The following LRRC8C variants were observed in gnomAD, a reference collection of about 807,000 sequenced individuals.
LRRC8C encodes the protein volume-regulated anion channel subunit LRRC8C.
Under a neutral mutation model 55.3 loss-of-function variants are expected in LRRC8C, and 20 were observed. That is an observed-to-expected ratio of 0.36 (90% CI 0.25 to 0.53). LRRC8C has a LOEUF of 0.53. Among genes scored for constraint, LRRC8C ranks in the 20% least tolerant of loss-of-function variants. LRRC8C has a pLI of 0.92. For synonymous variants in LRRC8C, 376 were observed against 360.7 expected (o/e 1.04, Z -0.48); for missense variants, 659 against 951.4 (o/e 0.69, Z 4.04).
chr1:89,623,027 TAAATG>T, the LRRC8C span, among the ~76,000 whole-genome samples: 4 of 152,176 alleles, frequency 2.6e-5, no homozygotes, highest in Admixed American at 6.5e-5. Context: ...TTCAGTCTCC[TAAATG>T]AGACCATAAG....
chr1:89,669,560 A>G (rs980413494), intron 1 of LRRC8C, among the ~76,000 whole-genome samples: 2 of 152,134 alleles, frequency 1.3e-5, no homozygotes, highest in Non-Finnish European at 2.9e-5. Flanking sequence ...GCCCAGTACC[A>G]TGATTAGTGT....
At chr1:89,677,668 C>T (rs1230468298) in intron 1 of LRRC8C, among the ~76,000 whole-genome samples, 4 of 152,154 alleles carry the variant, frequency 2.6e-5, no homozygotes, top group Non-Finnish European at 5.9e-5. Flanking sequence ...GATTTTCACC[C>T]ATAAAGTAAG....
chr1:89,656,722 G>C (rs980099514), intron 1 of LRRC8C, among the ~76,000 whole-genome samples: 1 of 152,094 alleles, frequency 6.6e-6, no homozygotes, highest in Non-Finnish European at 1.5e-5. Flanking sequence ...ACAATTTGGG[G>C]GTACTGTTCG....
At chr1:89,692,936 A>C (rs1658063872) in intron 2 of LRRC8C, among the ~76,000 whole-genome samples, 1 of 152,254 alleles carries the variant, frequency 6.6e-6, no homozygotes, top group South Asian at 2.1e-4. Context: ...CAAATCCAAA[A>C]CAGCCCATGG....
the LRRC8C span, among the ~76,000 whole-genome samples, chr1:89,618,363 T>C: frequency 6.6e-6 from 1 of 152,220 alleles, no homozygotes; most frequent in Non-Finnish European, 1.5e-5. Flanking sequence ...TTACAAACCA[T>C]GCAGGATTCG....
intron 1 of LRRC8C, among the ~76,000 whole-genome samples, chr1:89,659,875 C>T (rs1657064834): frequency 6.6e-6 from 1 of 152,166 alleles, no homozygotes; most frequent in East Asian, 1.9e-4. Context: ...GCAACCTGGT[C>T]TCTGCCCTTA....
At chr1:89,616,350 A>T in the LRRC8C span, among the ~76,000 whole-genome samples, 1 of 152,290 alleles carries the variant, frequency 6.6e-6, no homozygotes, top group East Asian at 1.9e-4. Flanking sequence ...ACAACTAGAC[A>T]GAGTTAATTC....
chr1:89,620,673 T>A, the LRRC8C span, among the ~76,000 whole-genome samples: 1 of 152,062 alleles, frequency 6.6e-6, no homozygotes, highest in African/African-American at 2.4e-5. Flanking sequence ...CAGGTTTAAA[T>A]CCAGGTAAAT....
At chr1:89,698,522 T>A (rs1658232502) in intron 2 of LRRC8C, among the ~76,000 whole-genome samples, 1 of 152,216 alleles carries the variant, frequency 6.6e-6, no homozygotes, top group African/African-American at 2.4e-5. Flanking sequence ...ACATTTAATG[T>A]TCCTCAGGCA....
chr1:89,640,398 C>T (rs950661538), intron 1 of LRRC8C, among the ~76,000 whole-genome samples: 1 of 152,130 alleles, frequency 6.6e-6, no homozygotes, highest in Non-Finnish European at 1.5e-5. Flanking sequence ...TCAAAATCAA[C>T]AAAAATTACT....
the LRRC8C span, among the ~76,000 whole-genome samples, chr1:89,617,337 A>G: frequency 2.0e-5 from 3 of 152,202 alleles, no homozygotes; most frequent in Non-Finnish European, 4.4e-5. Flanking sequence ...ACGGTTCACA[A>G]TTCAGTCCAA....
chr1:89,698,084 A>G (rs1658222903), intron 2 of LRRC8C, among the ~76,000 whole-genome samples: 1 of 152,174 alleles, frequency 6.6e-6, no homozygotes, highest in Admixed American at 6.5e-5. Flanking sequence ...TTACCTAGGA[A>G]TAAACAGACC....
At chr1:89,617,569 A>G in the LRRC8C span, among the ~76,000 whole-genome samples, 4,387 of 152,242 alleles carry the variant, frequency 0.029, 211 homozygotes, top group African/African-American at 0.099. Flanking sequence ...ATCTACTTCC[A>G]TGGATTCCAG....
At chr1:89,678,364 A>G (rs887278768) in intron 1 of LRRC8C, among the ~76,000 whole-genome samples, 11 of 152,246 alleles carry the variant, frequency 7.2e-5, no homozygotes, top group Admixed American at 5.2e-4. Context: ...AAGTTCTGCC[A>G]TCATGAAACT....
chr1:89,636,216 T>C (rs753255334), intron 1 of LRRC8C, among the ~76,000 whole-genome samples: 8 of 152,226 alleles, frequency 5.3e-5, no homozygotes, highest in Middle Eastern at 3.2e-3. Context: ...ACAGCTCTTG[T>C]CACCTAGTAG....
chr1:89,693,646 C>CTTTTTTTTTTTTTTTTTTTTT (rs35427989), intron 2 of LRRC8C, among the ~76,000 whole-genome samples: 5 of 82,692 alleles, frequency 6.0e-5, no homozygotes, highest in East Asian at 2.4e-4. Flanking sequence ...TCTTTTCTTC[C>CTTTTTTTTTTTTTTTTTTTTT]TTTTTTTTTT....
intron 1 of LRRC8C, among the ~76,000 whole-genome samples, chr1:89,682,447 TTAGA>T (rs1657742220): frequency 6.6e-6 from 1 of 152,164 alleles, no homozygotes; most frequent in African/African-American, 2.4e-5. Flanking sequence ...AAAGGAAGAC[TTAGA>T]TAAAGGAACA....
the LRRC8C span, among the ~76,000 whole-genome samples, chr1:89,620,775 T>A: frequency 6.6e-6 from 1 of 152,204 alleles, no homozygotes; most frequent in Non-Finnish European, 1.5e-5. Context: ...TCTCTTAAAC[T>A]TCTTAATTCA....
At chr1:89,688,186 T>A (rs1657932924) in intron 2 of LRRC8C, among the ~76,000 whole-genome samples, 1 of 152,160 alleles carries the variant, frequency 6.6e-6, no homozygotes, top group Admixed American at 6.5e-5. Context: ...ACTGAAAATA[T>A]CTTTCCCCCT....
Sources: allele counts gnomAD v4.1 joint callset (sites outside exome capture counted in the v4.1 genomes callset), GRCh38; gene constraint gnomAD v4.1.1; transcripts MANE v1.5; gene names NCBI Gene and HGNC (gene_info 2026-07-23, HGNC 2026-07-21).